RARB: variants seen among roughly 807,000 people sequenced by gnomAD.
The protein encoded by RARB is retinoic acid receptor beta.
A neutral mutation model predicts 51.9 loss-of-function variants in RARB; 17 were observed. That is an observed-to-expected ratio of 0.33 (90% CI 0.22 to 0.49). The LOEUF (loss-of-function observed/expected upper bound fraction) is 0.49, where lower values mean the gene tolerates loss of function less well. Ranked by LOEUF, RARB falls within the 20% of genes least tolerant of loss-of-function variation. The pLI is 0.99. For missense variants in RARB, 369 were observed against 550.8 expected, an observed-to-expected ratio of 0.67 and a Z score of 3.30; for synonymous variants, 215 against 195.4, an observed-to-expected ratio of 1.10 and a Z score of -0.84.
At chr3:25,545,490 G>C (rs957024453) in intron 3 of RARB, among the ~76,000 whole-genome samples, 1 of 152,052 alleles carries the variant, frequency 6.6e-6, no homozygotes, top group African/African-American at 2.4e-5. Context: ...TGTGTTACTT[G>C]CAGTGAACAG....
chr3:25,084,675 A>T (rs1455712548), intron 3 of RARB, among the ~76,000 whole-genome samples: 1 of 151,916 alleles, frequency 6.6e-6, no homozygotes, highest in African/African-American at 2.4e-5. Context: ...AAAATGAAGG[A>T]TAATGTTTTG....
intron 1 of RARB, among the ~76,000 whole-genome samples, chr3:24,832,652 A>G (rs868655927): frequency 1.6e-5 from 1 of 61,068 alleles, no homozygotes; most frequent in African/African-American, 9.5e-5. Context: ...TATATATATA[A>G]TGTCAATTAA....
At chr3:25,180,225 T>A (rs1159535975) in intron 5 of RARB, among the ~76,000 whole-genome samples, 1 of 152,058 alleles carries the variant, frequency 6.6e-6, no homozygotes, top group Admixed American at 6.6e-5. Context: ...AGAATATATA[T>A]AAAGAAGGAC....
chr3:24,972,041 G>A (rs965690743), intron 2 of RARB, among the ~76,000 whole-genome samples: 2 of 151,742 alleles, frequency 1.3e-5, no homozygotes, highest in African/African-American at 4.8e-5. Flanking sequence ...ATGTACGATG[G>A]ATTAATATTA....
At chr3:25,407,360 T>G (rs1707439467) in intron 5 of RARB, among the ~76,000 whole-genome samples, 1 of 152,220 alleles carries the variant, frequency 6.6e-6, no homozygotes, top group African/African-American at 2.4e-5. Flanking sequence ...GTAACTAAAA[T>G]TCAGTTTCAT....
chr3:25,429,361 C>T (rs1012076218), intron 1 of RARB, among the ~76,000 whole-genome samples: 2 of 152,152 alleles, frequency 1.3e-5, no homozygotes, highest in Admixed American at 6.5e-5. Flanking sequence ...TAAAATATGA[C>T]ATTTTCCTTG....
rs893150218 is a variant in RARB at position 25,280,693 on chromosome 3, T to G, written c.178+106118T>G. ...TCAAATTAGGATCCAGGTCCCTCAT[T>G]CTTTGAAAAGTTAATGGAGTTTTGT... On this transcript the variant is annotated intron_variant, in intron 5 of 11. Transcript: ENST00000383772. Among the ~76,000 whole-genome samples, 3 of 152,174 alleles carry G rather than the reference T, an allele frequency of 2.0e-5. No individual in the cohort carries two copies. The South Asian group carries it at 6.2e-4, about 31-fold the overall frequency.
rs1271802654 is a variant in RARB at position 25,571,731 on chromosome 3, A to T, written c.609+1813A>T. Among the ~76,000 whole-genome samples, 3 of 152,134 alleles carry T rather than the reference A, an allele frequency of 2.0e-5. No individual in the cohort carries two copies. The South Asian group carries it at 6.2e-4, about 32-fold the overall frequency. On this transcript the variant is annotated intron_variant, in intron 4 of 7. Transcript: ENST00000330688. Reference sequence around the variant, plus strand: ...CCCATGACGGTGAACAAATTACCTAACGTCTCTCAGCCTCAGTTTTCCCAT... The same window carrying T: ...CCCATGACGGTGAACAAATTACCTATCGTCTCTCAGCCTCAGTTTTCCCAT...
intron 5 of RARB, among the ~76,000 whole-genome samples, chr3:25,320,698 A>G (rs531872127): frequency 1.3e-5 from 2 of 152,214 alleles, no homozygotes; most frequent in Admixed American, 6.5e-5. Flanking sequence ...AGAATTATTC[A>G]TGTTAACATA....
intron 5 of RARB, among the ~76,000 whole-genome samples, chr3:25,415,061 C>T (rs772083688): frequency 3.3e-5 from 5 of 152,142 alleles, no homozygotes; most frequent in African/African-American, 7.2e-5. Flanking sequence ...AGGCTTGTCT[C>T]GAACTCCCGA....
chr3:24,945,723 AC>A (rs1695759151), intron 2 of RARB, among the ~76,000 whole-genome samples: 1 of 152,246 alleles, frequency 6.6e-6, no homozygotes, highest in Admixed American at 6.5e-5. Context: ...CCTCCAGCCA[AC>A]AGAGAGCAAA....
intron 2 of RARB, among the ~76,000 whole-genome samples, chr3:25,471,598 GT>G (rs34752259): frequency 5.4e-4 from 77 of 141,970 alleles, no homozygotes; most frequent in East Asian, 1.4e-3. Flanking sequence ...AACTCTGCGT[GT>G]TTTTTTTTTT....
At position 25,204,423 on chromosome 3, in the gene RARB, C is replaced by T. The variant is rs138968862; in HGVS notation, c.178+29848C>T. Among the ~76,000 whole-genome samples the T allele has an allele frequency of 1.4e-3, 207 of 152,346 alleles. 1 individual carries two copies. Among genetic ancestry groups the T allele is most frequent in the African/African-American group, 4.8e-3 (199 of 41,586 alleles). On this transcript the variant is annotated intron_variant, in intron 5 of 11. Transcript: ENST00000383772. ...ATTGTCTGAAGCCGCCTTCTCTCAA[C>T]TCGTCAAAGTTATTCTCCGTCCACC... is the stretch of plus-strand genomic sequence containing the variant.
At chr3:25,580,864 G>GTCCACCT in intron 5 of RARB, 142 bp downstream of exon 5, 7 of 858,562 alleles carry the variant, frequency 8.2e-6, no homozygotes, top group Non-Finnish European at 1.2e-5. Flanking sequence ...TTAGTAGGTG[G>GTCCACCT]ACTCACCTAG....
At chr3:24,893,720 T>G (rs986936677) in intron 2 of RARB, among the ~76,000 whole-genome samples, 1 of 151,862 alleles carries the variant, frequency 6.6e-6, no homozygotes, top group South Asian at 2.1e-4. Context: ...AGATGGGGTC[T>G]CACTATGTTG....
intron 2 of RARB, among the ~76,000 whole-genome samples, chr3:24,917,806 C>T (rs550735553): frequency 7.2e-5 from 11 of 152,274 alleles, no homozygotes; most frequent in East Asian, 1.9e-4. Context: ...GGCTTACAGG[C>T]GTGAGCCACA....
chr3:24,912,372 T>G (rs1312735854), intron 2 of RARB, among the ~76,000 whole-genome samples: 1 of 152,156 alleles, frequency 6.6e-6, no homozygotes, highest in Non-Finnish European at 1.5e-5. Context: ...AAGAATATGT[T>G]AAATAATACA....
chr3:25,392,616 A>T lies in RARB; in HGVS notation c.179-68577A>T, dbSNP rs551180258. ...GTAGAGGTCTTCCACATCCTTGGTT[A>T]GCTATATTCCTATGTATATTTTTTT... is the stretch of plus-strand genomic sequence containing the variant. On this transcript the variant is annotated intron_variant, in intron 5 of 11. Transcript: ENST00000383772. Among the ~76,000 whole-genome samples, 3 of 152,138 alleles carry T rather than the reference A, an allele frequency of 2.0e-5. No homozygotes were observed. The South Asian group carries it at 6.2e-4, about 32-fold the overall frequency.
chr3:25,173,712 G>C (rs1018907420), intron 4 of RARB, among the ~76,000 whole-genome samples: 1 of 152,184 alleles, frequency 6.6e-6, no homozygotes, highest in Non-Finnish European at 1.5e-5. Context: ...TCCCTTGTCA[G>C]GTACTCTTCT....
Sources: allele counts gnomAD v4.1 joint callset (sites outside exome capture counted in the v4.1 genomes callset), GRCh38; gene constraint gnomAD v4.1.1; transcripts MANE v1.5; gene names NCBI Gene and HGNC (gene_info 2026-07-23, HGNC 2026-07-21).